The following PNPT1 variants were observed in gnomAD, a reference collection of about 807,000 sequenced individuals.
PNPT1 encodes the protein polyribonucleotide nucleotidyltransferase 1.
PNPT1 carries 53 observed loss-of-function variants against 119.5 expected under a neutral mutation model. The observed-to-expected ratio is 0.44, with a 90% CI of 0.36 to 0.56. PNPT1 has a LOEUF of 0.56. Among genes scored for constraint, PNPT1 ranks in the 20% least tolerant of loss-of-function variants. The pLI, the probability that PNPT1 is intolerant of heterozygous loss-of-function variation, is 0.00. For missense variants in PNPT1, 948 were observed against 938.5 expected, an observed-to-expected ratio of 1.01 and a Z score of -0.13; for synonymous variants, 357 against 322.1, an observed-to-expected ratio of 1.11 and a Z score of -1.16.
rs139516578 is a variant in PNPT1, at chr2:55,687,814, C to T, written c.162-109G>A. ...AGGGAAGATTCTAACCCCCAACCCA[C>T]CCACTCCACCAACAAAAAGGGGCAG... On this transcript the variant is annotated intron_variant, in intron 1 of 27. Transcript: ENST00000447944. 8.9e-3 allele frequency: 6,192 copies of T among 696,480 alleles called. 52 individuals carry two copies. Among genetic ancestry groups the T allele is most frequent in the Non-Finnish European group, 0.011 (5,069 of 448,816 alleles). 43.1% of individuals were successfully genotyped at this position (696,480 alleles called of 1,614,324 possible).
rs1433874162 is a variant in PNPT1 at position 55,654,950 on chromosome 2, G to A, written c.1445C>T (p.Ser482Leu). Residue 482 changes from serine to leucine, a missense_variant, in exon 18 of 28, where the codon TCA (serine) becomes TTA (leucine). Physicochemically the swap from Ser to Leu is moderately radical, Grantham distance 145. Coordinates refer to ENST00000447944, the MANE Select transcript of PNPT1 (RefSeq NM_033109.5). The part of the protein sequence containing the change: ...VTSEVLESNG[S>L]SSMASACGGS... Reference sequence around the variant, plus strand: ...GCCACATGCAGATGCCATAGAAGATGACCCTATAGAAAGAAAAATAACTGC... The same window carrying A: ...GCCACATGCAGATGCCATAGAAGATAACCCTATAGAAAGAAAAATAACTGC... 6.2e-7 allele frequency: 1 copy of A among 1,612,174 alleles called. No individual in the cohort carries two copies. The highest frequency in any genetic ancestry group is 8.5e-7 in the Non-Finnish European group (1 of 1,179,092).
chr2:55,636,485 G>A, intron 27 of PNPT1, 93 bp from the exon 28 acceptor site: 1 of 1,333,334 alleles, frequency 7.5e-7, no homozygotes, highest in South Asian at 1.4e-5. Context: ...TCCAAATAAG[G>A]CAATGATTGT....
At position 55,679,667 on chromosome 2, in the gene PNPT1, T is replaced by C; in HGVS notation, c.679+15A>G. The C allele has an allele frequency of 6.5e-7, 1 of 1,535,560 alleles. No individual in the cohort carries two copies. Reference sequence around the variant, plus strand: ...AGTAAAATCCAGAACAAATGTGGTATTTAAAACAACTTACCAATCTGACTT... The same window carrying C: ...AGTAAAATCCAGAACAAATGTGGTACTTAAAACAACTTACCAATCTGACTT... On this transcript the variant is annotated intron_variant, in intron 8 of 27. Coordinates refer to ENST00000447944, the MANE Select transcript of PNPT1 (RefSeq NM_033109.5).
At chr2:55,644,521 T>C in intron 23 of PNPT1, 116 bp downstream of exon 23, 1 of 662,828 alleles carries the variant, frequency 1.5e-6, no homozygotes, top group Non-Finnish European at 2.4e-6. Flanking sequence ...TTTCTCCTGG[T>C]CTTTCTCTCA....
chr2:55,647,259 T>C, intron 19 of PNPT1, 88 bp downstream of exon 19: 1 of 1,083,174 alleles, frequency 9.2e-7, no homozygotes, highest in South Asian at 1.7e-5. Context: ...ACATATAGTC[T>C]TCACCATTAT....
intron 12 of PNPT1, 80 bp from the exon 13 acceptor site, chr2:55,667,173 T>C (rs1394419165): frequency 9.5e-7 from 1 of 1,052,030 alleles, no homozygotes; most frequent in African/African-American, 1.6e-5. Context: ...CCCAGGAAGT[T>C]CTCAACCTCA....
intron 15 of PNPT1, 21 bp from the exon 16 acceptor site, chr2:55,656,392 AAC>A (rs1696387978): frequency 6.4e-7 from 1 of 1,562,674 alleles, no homozygotes; most frequent in African/African-American, 1.4e-5. Flanking sequence ...AAAAAACACA[AAC>A]ACACATATAC....
intron 18 of PNPT1, among the ~76,000 whole-genome samples, chr2:55,647,873 C>T (rs965912226): frequency 6.6e-6 from 1 of 152,130 alleles, no homozygotes; most frequent in Non-Finnish European, 1.5e-5. Context: ...TGACAATCAC[C>T]GAAGCTGAGT....
At chr2:55,647,521 A>ATT in intron 18 of PNPT1, 68 bp from the exon 19 acceptor site, 1 of 1,254,440 alleles carries the variant, frequency 8.0e-7, no homozygotes, top group Non-Finnish European at 1.1e-6. Flanking sequence ...TTTATCTATC[A>ATT]ATTTTTTTTT....
At chr2:55,673,949 C>G (rs916240844) in intron 8 of PNPT1, among the ~76,000 whole-genome samples, 11 of 151,396 alleles carry the variant, frequency 7.3e-5, no homozygotes, top group Non-Finnish European at 1.3e-4. Flanking sequence ...TCTCGAACTC[C>G]TGACCTCAGG....
At chr2:55,676,621 G>A (rs1244332365) in intron 8 of PNPT1, among the ~76,000 whole-genome samples, 3 of 152,236 alleles carry the variant, frequency 2.0e-5, no homozygotes, top group East Asian at 1.9e-4. Flanking sequence ...CGGCACTTCG[G>A]GAGGCTGAGG....
At chr2:55,683,870 G>A (rs1351184685) in intron 4 of PNPT1, 36 bp from the exon 5 acceptor site, 1 of 1,599,670 alleles carries the variant, frequency 6.3e-7, no homozygotes. Context: ...AAACCGTACT[G>A]ACAGAGTTGC....
chr2:55,653,160 A>G (rs1696266561), intron 18 of PNPT1, among the ~76,000 whole-genome samples: 1 of 152,110 alleles, frequency 6.6e-6, no homozygotes, highest in Non-Finnish European at 1.5e-5. Flanking sequence ...TTTCCTTTCT[A>G]AACTACTTAT....
intron 18 of PNPT1, among the ~76,000 whole-genome samples, chr2:55,649,698 CAAG>C (rs1161793951): frequency 1.5e-4 from 23 of 152,332 alleles, no homozygotes; most frequent in African/African-American, 5.5e-4. Flanking sequence ...TAAAATCCTT[CAAG>C]TTCCCCATTG....
chr2:55,692,681 A>G (rs531113542), intron 1 of PNPT1, among the ~76,000 whole-genome samples: 3 of 152,356 alleles, frequency 2.0e-5, no homozygotes, highest in African/African-American at 7.2e-5. Context: ...TGAGGGTAAT[A>G]GTACCTTTAC....
In PNPT1 at chr2:55,642,709, A is replaced by T. The variant is rs13430684; in HGVS notation, c.2069+449T>A. On this transcript the variant is annotated intron_variant, in intron 25 of 27. Transcript: ENST00000447944. ...TTTATAAAATGATATAGAAAACAAA[A>T]TATACTATACCTTAAAAAATAATGA... 3.9e-5 allele frequency among the ~76,000 whole-genome samples: 6 copies of T among 152,020 alleles called. No homozygotes were observed. The East Asian group carries it at 1.2e-3, about 29-fold the overall frequency.
Position 55,673,181 on chromosome 2 carries a change from T to G in PNPT1, c.680-102A>C, listed in dbSNP as rs1037434590. 6.2e-5 allele frequency: 58 copies of G among 936,216 alleles called. 1 individual carries two copies. In the Admixed American group the frequency reaches 7.5e-4, roughly 12 times the overall value. 58.0% of individuals were successfully genotyped at this position (936,216 alleles called of 1,614,324 possible). A position where few individuals can be genotyped will look rare whatever the true frequency, so the allele number is the denominator to read the frequency against. On this transcript the variant is annotated intron_variant, in intron 8 of 27. Transcript: ENST00000447944. ...ATGACATAAATATTATGGATCAATTTTACTTCTTAGTGATAGATCCACCTT... is the reference window on the plus strand; with the variant it reads ...ATGACATAAATATTATGGATCAATTGTACTTCTTAGTGATAGATCCACCTT...
At position 55,634,363 on chromosome 2, in the gene PNPT1, G is replaced by C. The variant is rs1170158397; in HGVS notation, c.*1874C>G. The stretch of plus-strand genomic sequence containing the variant: ...TGCAACCTCCATTTCCCAGGCTCAA[G>C]TGATTCTCCTGCCTCAGCCTCCCGA... On this transcript the variant is annotated 3_prime_UTR_variant, in exon 28 of 28. Transcript: ENST00000447944. 3.3e-5 allele frequency: 5 copies of C among 151,414 alleles called. No individual in the cohort carries two copies. Among genetic ancestry groups the C allele is most frequent in the African/African-American group, 1.2e-4 (5 of 41,122 alleles). 9.4% of individuals were successfully genotyped at this position (151,414 alleles called of 1,614,324 possible).
At chr2:55,650,839 C>T (rs950061062) in intron 18 of PNPT1, among the ~76,000 whole-genome samples, 10 of 151,904 alleles carry the variant, frequency 6.6e-5, no homozygotes, top group African/African-American at 2.2e-4. Context: ...AGCAGCCACC[C>T]CGTCTGGGAA....
Sources: gnomAD v4.1 joint callset for allele counts (sites outside exome capture counted in the v4.1 genomes callset) on GRCh38, gnomAD v4.1.1 for gene constraint, MANE v1.5 for transcripts, NCBI Gene and HGNC (gene_info 2026-07-23, HGNC 2026-07-21) for gene names.